ADGRA2: variants seen among roughly 807,000 people sequenced by gnomAD.
ADGRA2 encodes adhesion G protein-coupled receptor A2, also known as G-protein coupled receptor 124.
ADGRA2 carries 61 observed loss-of-function variants against 98.7 expected under a neutral mutation model. The ratio of observed to expected loss-of-function variants is 0.62; its 90% CI spans 0.50 to 0.76. The LOEUF (loss-of-function observed/expected upper bound fraction) is 0.76. Among genes scored for constraint, ADGRA2 ranks in the 30% least tolerant of loss-of-function variants. The pLI, the probability that ADGRA2 is intolerant of heterozygous loss-of-function variation, is 0.00. For missense variants in ADGRA2, 1,712 were observed against 1,860.0 expected, an observed-to-expected ratio of 0.92 and a Z score of 1.46; for synonymous variants, 858 against 831.5, an observed-to-expected ratio of 1.03 and a Z score of -0.55.
intron 17 of ADGRA2, 42 bp downstream of exon 17, chr8:37,840,308 CCAACGCAGGCGTAGGAAACCTCCCAA>C: frequency 6.2e-7 from 1 of 1,601,112 alleles, no homozygotes; most frequent in Non-Finnish European, 8.5e-7. Flanking sequence ...GGGAGGGACT[CCAACGCAGGCGTAGGAAACCTCCCAA>C]GGTGGGTGAA....
rs79225716 is a variant in ADGRA2 at position 37,822,665 on chromosome 8, G to A, written c.339-6223G>A. On this transcript the variant is annotated intron_variant, in intron 2 of 18. Transcript: ENST00000412232. ...CCAAGCAACCACTAATCTGCTTTCT[G>A]TCTATAGATCTATAAATCTGCCTGT... 5.0e-3 allele frequency among the ~76,000 whole-genome samples: 757 copies of A among 152,226 alleles called. 9 individuals are homozygous for A. The highest frequency in any genetic ancestry group is 0.017 in the African/African-American group (720 of 41,520).
At chr8:37,827,584 G>T (rs1727636154) in intron 2 of ADGRA2, among the ~76,000 whole-genome samples, 1 of 152,212 alleles carries the variant, frequency 6.6e-6, no homozygotes, top group Non-Finnish European at 1.5e-5. Context: ...TGGGATCCCT[G>T]GGGGGTCACA....
At chr8:37,819,251 A>G (rs971014707) in intron 2 of ADGRA2, among the ~76,000 whole-genome samples, 2 of 152,230 alleles carry the variant, frequency 1.3e-5, no homozygotes, top group African/African-American at 4.8e-5. Context: ...AGGAGGGGCC[A>G]TCTGGGCAGA....
chr8:37,819,930 CA>C (rs1278278901), intron 2 of ADGRA2, among the ~76,000 whole-genome samples: 4 of 152,250 alleles, frequency 2.6e-5, no homozygotes, highest in African/African-American at 7.2e-5. Flanking sequence ...CTCAGCCTCC[CA>C]AAGTGCTGGG....
Position 37,842,615 on chromosome 8 carries a change from G to A in ADGRA2, c.*260G>A. 2.1e-6 allele frequency: 1 copy of A among 467,700 alleles called. No individual in the cohort carries two copies. The highest frequency in any genetic ancestry group is 6.0e-5 in the South Asian group (1 of 16,762). The allele number at this position is 467,700 out of a possible 1,614,324, so 29.0% of individuals were successfully genotyped here. ...CGGTGCCCTCCCAGGAACGGGGAAG[G>A]CCTCCGTCTGTGTGAAAGGGCACAG... On this transcript the variant is annotated 3_prime_UTR_variant, in exon 19 of 19. Transcript: ENST00000412232.
intron 15 of ADGRA2, chr8:37,839,292 C>G: frequency 1.5e-5 from 10 of 683,340 alleles, no homozygotes; most frequent in Non-Finnish European, 1.8e-5. Flanking sequence ...CCAGGTGGGT[C>G]CACATGACTT....
chr8:37,826,380 A>C (rs1266731026), intron 2 of ADGRA2, among the ~76,000 whole-genome samples: 1 of 152,090 alleles, frequency 6.6e-6, no homozygotes, highest in Admixed American at 6.5e-5. Context: ...CAGGATACTT[A>C]TCCTGCATCC....
intron 2 of ADGRA2, among the ~76,000 whole-genome samples, chr8:37,824,107 CT>C (rs1488382169): frequency 6.6e-6 from 1 of 152,126 alleles, no homozygotes; most frequent in Non-Finnish European, 1.5e-5. Flanking sequence ...TCTCAGCTCA[CT>C]GCAATCTCCG....
In ADGRA2 at chr8:37,841,037, A is replaced by G. The variant is rs200488901; in HGVS notation, c.2748-49A>G. The stretch of plus-strand genomic sequence containing the variant: ...CCCAACCACCCCGGCCCCCAGCCCC[A>G]CCCCAGCCATGCCCCCTGTCCTCAT... On this transcript the variant is annotated intron_variant, in intron 18 of 18. Transcript: ENST00000412232. This position sits in a 1 kb window ranked among gnomAD's most constrained non-coding sequence, Gnocchi z 5.0. 1,512 of 1,126,394 alleles carry G rather than the reference A, an allele frequency of 1.3e-3. 15 individuals are homozygous for G. The African/African-American group carries it at 0.019, about 14-fold the overall frequency. 69.8% of individuals were successfully genotyped at this position (1,126,394 alleles called of 1,614,324 possible). A position where few individuals can be genotyped will look rare whatever the true frequency, so the allele number is the denominator to read the frequency against.
In ADGRA2 at chr8:37,797,322, G is replaced by C. The variant is rs1266868236; in HGVS notation, c.54G>C (p.Pro18=). 3.7e-6 allele frequency: 5 copies of C among 1,334,176 alleles called. No individual in the cohort carries two copies. The highest frequency in any genetic ancestry group is 4.8e-6 in the Non-Finnish European group (5 of 1,049,542). 82.6% of individuals were successfully genotyped at this position (1,334,176 alleles called of 1,614,324 possible). A position where few individuals can be genotyped will look rare whatever the true frequency, so the allele number is the denominator to read the frequency against. The change falls in exon 1 of 19, where the codon CCG becomes CCC. Residue 18 remains proline, a synonymous_variant. Transcript: ENST00000412232. This position sits in a 1 kb window ranked among gnomAD's most constrained non-coding sequence, Gnocchi z 5.3. ...GGGCGCCCGCGCGCCTGCTGCTGCC[G>C]CTGCTGCCGTGGCTCCTGCTGCTCC... ...MRGAPARLLL[P]LLPWLLLLLA...
At position 37,828,481 on chromosome 8, in the gene ADGRA2, C is replaced by CTTT. The variant is rs35779657; in HGVS notation, c.339-386_339-384dup. Among the ~76,000 whole-genome samples the CTTT allele has an allele frequency of 4.3e-3, 357 of 82,914 alleles. 6 individuals carry two copies. The highest frequency in any genetic ancestry group is 0.011 in the East Asian group (26 of 2,368). 54.4% of individuals were successfully genotyped at this position (82,914 alleles called of 152,430 possible). On this transcript the variant is annotated intron_variant, in intron 2 of 18. Transcript: ENST00000412232. The stretch of plus-strand genomic sequence containing the variant: ...AGGAGGCCTGTCCGAGGGGGTGGTT[C>CTTT]TTTTTTTTTTTTTTTTTTTTTTTGA...
Position 37,840,734 on chromosome 8 carries a change from G to A in ADGRA2, c.2658-26G>A, listed in dbSNP as rs200768017. ...TTCCCTTCCCTTTCCCCATCTCTGG[G>A]ACCCCCAATCCCTCATTCCCTCCAG... On this transcript the variant is annotated intron_variant, in intron 17 of 18. Transcript: ENST00000412232. 314 of 1,262,454 alleles carry A rather than the reference G, an allele frequency of 2.5e-4. 1 individual carries two copies. The East Asian group carries it at 7.2e-3, about 29-fold the overall frequency. 78.2% of individuals were successfully genotyped at this position (1,262,454 alleles called of 1,614,324 possible).
In ADGRA2 at chr8:37,844,842, T is replaced by C. The variant is rs752865300; in HGVS notation, c.*2487T>C. The C allele has an allele frequency of 1.9e-6, 3 of 1,614,164 alleles. No homozygotes were observed. The highest frequency in any genetic ancestry group is 1.7e-6 in the Non-Finnish European group (2 of 1,180,040). ...GGCAGAGCGGACCAGTGACTGGCGG[T>C]GCTGGAGAAGGTCACCGATGTGCTT... On this transcript the variant is annotated 3_prime_UTR_variant, in exon 19 of 19. Transcript: ENST00000412232.
intron 2 of ADGRA2, among the ~76,000 whole-genome samples, chr8:37,820,709 A>T (rs964372553): frequency 6.6e-6 from 1 of 152,244 alleles, no homozygotes; most frequent in South Asian, 2.1e-4. Flanking sequence ...ATGTGTTTGC[A>T]TGGCCTCCTT....
chr8:37,804,742 A>G (rs1221090812), intron 1 of ADGRA2, among the ~76,000 whole-genome samples: 2 of 152,190 alleles, frequency 1.3e-5, no homozygotes, highest in East Asian at 3.9e-4. Flanking sequence ...ACACTGACCA[A>G]TCAGAGGAGC....
intron 2 of ADGRA2, among the ~76,000 whole-genome samples, chr8:37,815,932 G>T (rs749002734): frequency 6.6e-6 from 1 of 152,112 alleles, no homozygotes; most frequent in Non-Finnish European, 1.5e-5. Context: ...CCCCCATCCC[G>T]TCTCCCATCT....
At chr8:37,829,722 A>C (rs912626304) in intron 5 of ADGRA2, 129 bp from the exon 6 acceptor site, 1 of 1,037,832 alleles carries the variant, frequency 9.6e-7, no homozygotes, top group African/African-American at 1.6e-5. Context: ...CCCGGGGCAG[A>C]GATGGTGCAC....
Position 37,844,820 on chromosome 8 carries a change from AGAGCG to A in ADGRA2, c.*2468_*2472del, listed in dbSNP as rs1410061488. ...CTTCTGCTGTCCCATCCCGAAAGGC[AGAGCG>A]GACCAGTGACTGGCGGTGCTGGAGA... On this transcript the variant is annotated 3_prime_UTR_variant, in exon 19 of 19. Transcript: ENST00000412232. The A allele has an allele frequency of 1.1e-5, 17 of 1,614,142 alleles. No individual in the cohort carries two copies. Among genetic ancestry groups the A allele is most frequent in the Non-Finnish European group, 1.4e-5 (17 of 1,180,008 alleles).
intron 14 of ADGRA2, among the ~76,000 whole-genome samples, chr8:37,838,674 C>T (rs1200570248): frequency 8.0e-6 from 1 of 125,358 alleles, no homozygotes; most frequent in African/African-American, 3.1e-5. Context: ...CTGCTGGTCA[C>T]AGGCAGCACC....
Sources: allele counts gnomAD v4.1 joint callset (sites outside exome capture counted in the v4.1 genomes callset), GRCh38; gene constraint gnomAD v4.1.1; non-coding constraint Gnocchi (gnomAD v3.1); transcripts MANE v1.5; gene names NCBI Gene and HGNC (gene_info 2026-07-23, HGNC 2026-07-21).